The following NR6A1 variants were observed in gnomAD, a reference collection of about 807,000 sequenced individuals.
The protein encoded by NR6A1 is nuclear receptor subfamily 6 group A member 1.
NR6A1 carries 7 observed loss-of-function variants against 59.1 expected under a neutral mutation model. The ratio of observed to expected loss-of-function variants is 0.12; its 90% CI spans 0.07 to 0.22. NR6A1 has a LOEUF of 0.22. Ranked by LOEUF, NR6A1 falls within the 10% of genes least tolerant of loss-of-function variation. The pLI, the probability that NR6A1 is intolerant of heterozygous loss-of-function variation, is 1.00. For synonymous variants in NR6A1, 243 were observed against 236.1 expected (o/e 1.03, Z -0.27); for missense variants, 468 against 611.6 (o/e 0.77, Z 2.48).
rs578255608 is a variant in NR6A1 at position 124,542,627 on chromosome 9, C to T, written c.441+1175G>A. 3.3e-5 allele frequency among the ~76,000 whole-genome samples: 5 copies of T among 152,280 alleles called. No individual in the cohort carries two copies. In the East Asian group the frequency reaches 9.6e-4, roughly 29 times the overall value. Reference sequence around the variant, plus strand: ...ACTCCTCACAAACCATTTCTACCTGCTAGAATGATCTTCCTAAAATGCAAA... The same window carrying T: ...ACTCCTCACAAACCATTTCTACCTGTTAGAATGATCTTCCTAAAATGCAAA... On this transcript the variant is annotated intron_variant, in intron 4 of 9. Transcript: ENST00000487099.
intron 2 of NR6A1, among the ~76,000 whole-genome samples, chr9:124,586,564 G>A (rs1834941807): frequency 6.6e-6 from 1 of 152,002 alleles, no homozygotes; most frequent in African/African-American, 2.4e-5. Flanking sequence ...TCCTGCCTCA[G>A]TCTGCCAAGT....
intron 2 of NR6A1, among the ~76,000 whole-genome samples, chr9:124,633,659 T>G (rs898868787): frequency 6.6e-6 from 1 of 152,148 alleles, no homozygotes; most frequent in African/African-American, 2.4e-5. Flanking sequence ...AGCCCCAGGA[T>G]CATCCTAAAT....
At chr9:124,615,824 TTTTATTTA>T (rs541008311) in intron 2 of NR6A1, among the ~76,000 whole-genome samples, 9 of 151,776 alleles carry the variant, frequency 5.9e-5, no homozygotes, top group Non-Finnish European at 1.3e-4. Context: ...CAATCTTAGG[TTTTATTTA>T]TTTATTTATT....
chr9:124,577,758 C>T (rs886295866), intron 2 of NR6A1, among the ~76,000 whole-genome samples: 1 of 152,152 alleles, frequency 6.6e-6, no homozygotes, highest in African/African-American at 2.4e-5. Context: ...ATTGATGGCT[C>T]ATTGCAGAAA....
chr9:124,769,727 A>G (rs2131217375), intron 1 of NR6A1, among the ~76,000 whole-genome samples: 1 of 152,110 alleles, frequency 6.6e-6, no homozygotes, highest in East Asian at 1.9e-4. Flanking sequence ...AAATGAGGAG[A>G]TGTGAAAGGT....
At chr9:124,648,208 T>A (rs564135172) in intron 2 of NR6A1, among the ~76,000 whole-genome samples, 2 of 152,052 alleles carry the variant, frequency 1.3e-5, no homozygotes, top group South Asian at 4.1e-4. Flanking sequence ...AAAAACCAGG[T>A]GAGACATAGT....
chr9:124,601,978 A>G (rs548964074), intron 2 of NR6A1, among the ~76,000 whole-genome samples: 15 of 152,338 alleles, frequency 9.8e-5, no homozygotes, highest in African/African-American at 3.6e-4. Context: ...GTTAACAACC[A>G]AATGCAATAT....
intron 1 of NR6A1, among the ~76,000 whole-genome samples, chr9:124,760,309 C>G (rs1308942210): frequency 6.6e-6 from 1 of 150,422 alleles, no homozygotes; most frequent in South Asian, 2.1e-4. Flanking sequence ...GAGACTCCAA[C>G]TAAAAAAAAA....
rs1407521448 is a variant in NR6A1, at chr9:124,580,774, C to T, written c.143-26204G>A. On this transcript the variant is annotated intron_variant, in intron 2 of 9. Coordinates refer to ENST00000487099, the MANE Select transcript of NR6A1 (RefSeq NM_033334.4). ...GGCAGAGGTTGTTGTGAGCCAAGAT[C>T]GCGCCACTGTACTCTAGCCTGGGCA... 2.0e-5 allele frequency among the ~76,000 whole-genome samples: 3 copies of T among 152,104 alleles called. No individual in the cohort carries two copies. In the East Asian group the frequency reaches 5.8e-4, roughly 29 times the overall value.
chr9:124,632,070 G>C (rs1038319679), intron 2 of NR6A1, among the ~76,000 whole-genome samples: 4 of 152,118 alleles, frequency 2.6e-5, no homozygotes, highest in Non-Finnish European at 5.9e-5. Context: ...GCCTATCATT[G>C]GTGGGCATTT....
intron 2 of NR6A1, among the ~76,000 whole-genome samples, chr9:124,673,149 C>T (rs1043110858): frequency 6.6e-6 from 1 of 152,066 alleles, no homozygotes; most frequent in Non-Finnish European, 1.5e-5. Context: ...TGGCAAAACT[C>T]CATCTCCAGA....
intron 2 of NR6A1, among the ~76,000 whole-genome samples, chr9:124,687,950 T>A (rs771754542): frequency 6.6e-6 from 1 of 152,202 alleles, no homozygotes; most frequent in Non-Finnish European, 1.5e-5. Context: ...TACATACCTA[T>A]GGCAAAGTTT....
chr9:124,648,594 A>T (rs1694168578), intron 2 of NR6A1, among the ~76,000 whole-genome samples: 1 of 152,162 alleles, frequency 6.6e-6, no homozygotes, highest in South Asian at 2.1e-4. Flanking sequence ...AAGCCAGAGC[A>T]ATTAAAATTA....
chr9:124,687,477 T>C (rs932310141), intron 2 of NR6A1, among the ~76,000 whole-genome samples: 3 of 152,070 alleles, frequency 2.0e-5, no homozygotes, highest in Admixed American at 2.0e-4. Flanking sequence ...AAAGTTGCCA[T>C]GTAAAATTTT....
At chr9:124,736,501 T>C (rs901474271) in intron 1 of NR6A1, among the ~76,000 whole-genome samples, 3 of 152,202 alleles carry the variant, frequency 2.0e-5, no homozygotes, top group African/African-American at 7.2e-5. Flanking sequence ...ACCCTAACTT[T>C]GTTGTAAATT....
intron 2 of NR6A1, among the ~76,000 whole-genome samples, chr9:124,691,476 C>T (rs1838542176): frequency 6.6e-6 from 1 of 152,102 alleles, no homozygotes; most frequent in Admixed American, 6.6e-5. Context: ...TTAAGTATTC[C>T]TAGATCTGTC....
At chr9:124,534,253 A>C (rs1223544501) in intron 7 of NR6A1, among the ~76,000 whole-genome samples, 8 of 151,870 alleles carry the variant, frequency 5.3e-5, no homozygotes, top group Non-Finnish European at 1.0e-4. Flanking sequence ...TTGTATTTTT[A>C]GTAGAGACAG....
chr9:124,573,459 A>C (rs1255906619), intron 2 of NR6A1, among the ~76,000 whole-genome samples: 1 of 152,126 alleles, frequency 6.6e-6, no homozygotes, highest in Non-Finnish European at 1.5e-5. Flanking sequence ...ACTAGACCTA[A>C]CTCCGCTCTC....
intron 2 of NR6A1, among the ~76,000 whole-genome samples, chr9:124,621,336 A>C (rs1322162340): frequency 2.0e-5 from 3 of 152,198 alleles, no homozygotes; most frequent in Non-Finnish European, 4.4e-5. Context: ...AAAAATGCTT[A>C]GCATACATTG....
Sources: gnomAD v4.1 joint callset for allele counts (sites outside exome capture counted in the v4.1 genomes callset) on GRCh38, gnomAD v4.1.1 for gene constraint, MANE v1.5 for transcripts, NCBI Gene and HGNC (gene_info 2026-07-23, HGNC 2026-07-21) for gene names.